ATXN1: variants seen among roughly 807,000 people sequenced by gnomAD.
ATXN1 encodes ataxin 1.
In ATXN1, 8 loss-of-function variants were observed where a neutral mutation model predicts 56.4. The ratio of observed to expected loss-of-function variants is 0.14; its 90% CI spans 0.08 to 0.26. The LOEUF is 0.26. Ranked by LOEUF, ATXN1 falls within the 10% of genes least tolerant of loss-of-function variation. The probability of loss-of-function intolerance (pLI) is 1.00; values close to 1 mark genes in which losing one functional copy is unlikely to be tolerated. For synonymous variants in ATXN1, 514 were observed against 494.6 expected (o/e 1.04, Z -0.52); for missense variants, 987 against 1,106.5 (o/e 0.89, Z 1.53).
intron 4 of ATXN1, among the ~76,000 whole-genome samples, chr6:16,558,904 G>A (rs921878118): frequency 2.0e-5 from 3 of 151,816 alleles, no homozygotes; most frequent in Non-Finnish European, 4.4e-5. Flanking sequence ...CTTTTTAGCT[G>A]TTACATGCTC....
chr6:16,694,598 C>G (rs1478114251), intron 2 of ATXN1, among the ~76,000 whole-genome samples: 1 of 152,220 alleles, frequency 6.6e-6, no homozygotes, highest in Non-Finnish European at 1.5e-5. Flanking sequence ...TATTTCAACA[C>G]TGTAGATTAT....
intron 3 of ATXN1, among the ~76,000 whole-genome samples, chr6:16,606,294 A>G (rs1763003612): frequency 6.6e-6 from 1 of 152,206 alleles, no homozygotes; most frequent in Non-Finnish European, 1.5e-5. Context: ...CTCCTTACAT[A>G]GTGCTGCTAA....
chr6:16,563,879 G>A (rs1762165909), intron 4 of ATXN1, among the ~76,000 whole-genome samples: 1 of 152,174 alleles, frequency 6.6e-6, no homozygotes, highest in South Asian at 2.1e-4. Flanking sequence ...CAGGTCCAAG[G>A]GCTTAGGACG....
At chr6:16,648,637 A>G (rs1237738549) in intron 3 of ATXN1, among the ~76,000 whole-genome samples, 2 of 152,276 alleles carry the variant, frequency 1.3e-5, no homozygotes, top group African/African-American at 2.4e-5. Flanking sequence ...AGATCAGGAC[A>G]GACAAAAATG....
intron 7 of ATXN1, among the ~76,000 whole-genome samples, chr6:16,325,211 G>A (rs765503636): frequency 7.9e-5 from 12 of 151,406 alleles, no homozygotes; most frequent in Non-Finnish European, 1.2e-4. Flanking sequence ...CCCACCTCCC[G>A]GGTTCATGCA....
At chr6:16,365,909 T>C (rs1255579262) in intron 6 of ATXN1, among the ~76,000 whole-genome samples, 1 of 152,244 alleles carries the variant, frequency 6.6e-6, no homozygotes, top group African/African-American at 2.4e-5. Context: ...GTAATGGGTC[T>C]ATTCAGAGTC....
rs535080424 is a variant in ATXN1 at position 16,372,656 on chromosome 6, G to A, written c.-160-44186C>T. 3.3e-5 allele frequency among the ~76,000 whole-genome samples: 5 copies of A among 152,268 alleles called. No individual in the cohort carries two copies. In the South Asian group the frequency reaches 1.0e-3, roughly 32 times the overall value. On this transcript the variant is annotated intron_variant, in intron 6 of 7. Transcript: ENST00000436367. ...GGGCTGGGCACAGTGGCTCATGTCT[G>A]TAATCCAAGCTCTTTGGGAGTCTGA...
intron 6 of ATXN1, among the ~76,000 whole-genome samples, chr6:16,481,605 T>C (rs1023024512): frequency 6.6e-6 from 1 of 152,154 alleles, no homozygotes; most frequent in Non-Finnish European, 1.5e-5. Flanking sequence ...AAACCTTTAT[T>C]ATTGCTGTCC....
In ATXN1 at chr6:16,760,307, G is replaced by C. The variant is rs962355799; in HGVS notation, c.-730+991C>G. Reference sequence around the variant, plus strand: ...TCACCCTCCCAGCAGCCGCGCAGCCGTTCACTCCCGGCTCAGGGCAGCGCC... The same window carrying C: ...TCACCCTCCCAGCAGCCGCGCAGCCCTTCACTCCCGGCTCAGGGCAGCGCC... On this transcript the variant is annotated intron_variant, in intron 1 of 7. Coordinates refer to ENST00000436367, the MANE Select transcript of ATXN1 (RefSeq NM_001128164.2). This position sits in a 1 kb window ranked among gnomAD's most constrained non-coding sequence, Gnocchi z 5.3. Among the ~76,000 whole-genome samples the C allele has an allele frequency of 6.6e-6, 1 of 151,922 alleles. No homozygotes were observed. Among genetic ancestry groups the C allele is most frequent in the African/African-American group, 2.4e-5 (1 of 41,416 alleles).
chr6:16,348,717 G>A (rs539561125), intron 6 of ATXN1, among the ~76,000 whole-genome samples: 1 of 152,192 alleles, frequency 6.6e-6, no homozygotes, highest in African/African-American at 2.4e-5. Context: ...AATGAAGATA[G>A]TAATACGCCT....
chr6:16,400,159 G>A (rs1348787435), intron 6 of ATXN1, among the ~76,000 whole-genome samples: 1 of 152,188 alleles, frequency 6.6e-6, no homozygotes, highest in Non-Finnish European at 1.5e-5. Flanking sequence ...CCTTAGGTCT[G>A]TCTGTCCTTC....
intron 2 of ATXN1, among the ~76,000 whole-genome samples, chr6:16,674,061 A>G (rs6929906): frequency 0.63 from 95,790 of 151,878 alleles, 30,528 homozygotes; most frequent in East Asian, 0.72. Flanking sequence ...TTATATATAT[A>G]TATATTCTTA....
intron 6 of ATXN1, among the ~76,000 whole-genome samples, chr6:16,426,303 CAG>C (rs1759153577): frequency 6.6e-6 from 1 of 151,794 alleles, no homozygotes; most frequent in South Asian, 2.1e-4. Flanking sequence ...TGGGAAGGTG[CAG>C]AGAGGACAGA....
Position 16,326,927 on chromosome 6 carries a change from T to C in ATXN1, c.1384A>G (p.Ile462Val), listed in dbSNP as rs867074358. 1.9e-6 allele frequency: 3 copies of C among 1,613,960 alleles called. No individual in the cohort carries two copies. The Middle Eastern group carries it at 4.9e-4, about 266-fold the overall frequency. ...AFYAGTQPPV[I>V]GYLSGQQQAI... Reference sequence around the variant, plus strand: ...TGCTGCTGGCCGCTCAGGTAGCCGATGACAGGGGGTTGAGTCCCTGCGTAG... The same window carrying C: ...TGCTGCTGGCCGCTCAGGTAGCCGACGACAGGGGGTTGAGTCCCTGCGTAG... Residue 462 changes from isoleucine to valine, a missense_variant, in exon 7 of 8, where the codon ATC (isoleucine) becomes GTC (valine). Physicochemically the swap from Ile to Val is conservative, Grantham distance 29. Around this residue, in one of 3 missense-constraint regions of ATXN1, gnomAD observed 723 missense variants for 791.7 expected, o/e 0.91. Coordinates refer to ENST00000436367, the MANE Select transcript of ATXN1 (RefSeq NM_001128164.2). The surrounding 1 kb of genome is among the most constrained non-coding windows in gnomAD (Gnocchi z 6.6).
intron 6 of ATXN1, among the ~76,000 whole-genome samples, chr6:16,430,063 C>T (rs2113579824): frequency 6.6e-6 from 1 of 151,644 alleles, no homozygotes; most frequent in African/African-American, 2.4e-5. Flanking sequence ...GGTGTTGAGA[C>T]TGAGAATAGA....
intron 2 of ATXN1, among the ~76,000 whole-genome samples, chr6:16,696,528 T>G (rs1281282387): frequency 6.6e-6 from 1 of 152,220 alleles, no homozygotes; most frequent in Non-Finnish European, 1.5e-5. Flanking sequence ...TCTAACAATG[T>G]CAGCATTAAT....
At chr6:16,685,217 A>T (rs192687902) in intron 2 of ATXN1, among the ~76,000 whole-genome samples, 1 of 152,222 alleles carries the variant, frequency 6.6e-6, no homozygotes, top group Non-Finnish European at 1.5e-5. Context: ...TGCCATTTGT[A>T]TATTAGCTTG....
chr6:16,487,220 A>G (rs1369178727), intron 5 of ATXN1, among the ~76,000 whole-genome samples: 1 of 152,182 alleles, frequency 6.6e-6, no homozygotes, highest in Non-Finnish European at 1.5e-5. Context: ...TTGCTTCCCA[A>G]ATACATCATC....
At chr6:16,744,356 A>G (rs1458483776) in intron 2 of ATXN1, among the ~76,000 whole-genome samples, 1 of 152,216 alleles carries the variant, frequency 6.6e-6, no homozygotes, top group Non-Finnish European at 1.5e-5. Context: ...GCAGCCTGCT[A>G]CGTAGCAGAA....
Sources: allele counts gnomAD v4.1 joint callset (sites outside exome capture counted in the v4.1 genomes callset), GRCh38; gene constraint gnomAD v4.1.1; regional missense constraint gnomAD v4.1.1; non-coding constraint Gnocchi (gnomAD v3.1); transcripts MANE v1.5; gene names NCBI Gene and HGNC (gene_info 2026-07-23, HGNC 2026-07-21).